The following KITLG variants were observed in gnomAD, a reference collection of about 807,000 sequenced individuals.
KITLG encodes c-Kit ligand.
A neutral mutation model predicts 34.1 loss-of-function variants in KITLG; 13 were observed. That is an observed-to-expected ratio of 0.38 (90% CI 0.25 to 0.61). The LOEUF (loss-of-function observed/expected upper bound fraction) is 0.61. Among genes scored for constraint, KITLG ranks in the 20% least tolerant of loss-of-function variants. The pLI is 0.60. For synonymous variants in KITLG, 110 were observed against 104.0 expected, an observed-to-expected ratio of 1.06 and a Z score of -0.35; for missense variants, 292 against 318.9, an observed-to-expected ratio of 0.92 and a Z score of 0.64.
At chr12:88,545,910 C>T (rs1592577642) in intron 1 of KITLG, 45 bp from the exon 2 acceptor site, 2 of 1,151,204 alleles carry the variant, frequency 1.7e-6, no homozygotes, top group East Asian at 4.7e-5. Flanking sequence ...CAGTTAAGAT[C>T]TGTAATCATT....
intron 2 of KITLG, among the ~76,000 whole-genome samples, chr12:88,533,024 C>G (rs1412808545): frequency 6.6e-6 from 1 of 152,044 alleles, no homozygotes. Flanking sequence ...AATTTGAGAA[C>G]TATTTTATGT....
At chr12:88,575,938 G>T (rs765000149) in intron 1 of KITLG, among the ~76,000 whole-genome samples, 1 of 152,050 alleles carries the variant, frequency 6.6e-6, no homozygotes, top group African/African-American at 2.4e-5. Context: ...GTCACTGCAC[G>T]TTGCCTGGTA....
chr12:88,506,501 T>A lies in KITLG; in HGVS notation c.715-123A>T. The A allele has an allele frequency of 4.0e-6, 3 of 747,264 alleles. No homozygotes were observed. In the Admixed American group the frequency reaches 5.8e-5, roughly 14 times the overall value. 46.3% of individuals were successfully genotyped at this position (747,264 alleles called of 1,614,324 possible). Reference sequence around the variant, plus strand: ...CTCCAATAACAGTTTTTTCAGCATGTAGCATGCAAAATATCTTTGTAATAA... The same window carrying A: ...CTCCAATAACAGTTTTTTCAGCATGAAGCATGCAAAATATCTTTGTAATAA... On this transcript the variant is annotated intron_variant, in intron 7 of 9. Coordinates refer to ENST00000644744, the MANE Select transcript of KITLG (RefSeq NM_000899.5).
At chr12:88,566,019 C>T (rs1290901116) in intron 1 of KITLG, among the ~76,000 whole-genome samples, 2 of 152,224 alleles carry the variant, frequency 1.3e-5, no homozygotes, top group African/African-American at 4.8e-5. Context: ...GTCATTCAGC[C>T]TATTGTGTCA....
chr12:88,516,321 T>TTAC lies in KITLG; in HGVS notation c.520+10_520+12dup. ...TTGTTTACATTTGAACTGGAAATGCTTACATGTCTTACCTTTCTCAGGACT... is the reference window on the plus strand; with the variant it reads ...TTGTTTACATTTGAACTGGAAATGCTTACTACATGTCTTACCTTTCTCAGGACT... On this transcript the variant is annotated intron_variant, in intron 5 of 9. Transcript: ENST00000644744. The TTAC allele has an allele frequency of 6.2e-7, 1 of 1,607,318 alleles. No individual in the cohort carries two copies. The highest frequency in any genetic ancestry group is 1.7e-4 in the Middle Eastern group (1 of 5,872).
In KITLG at chr12:88,580,420, G is replaced by C. The variant is rs1871979068; in HGVS notation, c.-142C>G. 1 of 972,654 alleles carries C rather than the reference G, an allele frequency of 1.0e-6. No individual in the cohort carries two copies. Among genetic ancestry groups the C allele is most frequent in the Non-Finnish European group, 1.6e-6 (1 of 625,522 alleles). The allele number at this position is 972,654 out of a possible 1,614,324, so 60.3% of individuals were successfully genotyped here. A position where few individuals can be genotyped will look rare whatever the true frequency, so the allele number is the denominator to read the frequency against. ...GCCCGAGCGCAGCGCCCTCTCCACT[G>C]TCCCTGCTTCCCGCAGCGCTTCTAG... On this transcript the variant is annotated 5_prime_UTR_variant, in exon 1 of 10. Coordinates refer to ENST00000644744, the MANE Select transcript of KITLG (RefSeq NM_000899.5).
At chr12:88,531,476 T>A (rs1349288710) in intron 3 of KITLG, among the ~76,000 whole-genome samples, 3 of 152,222 alleles carry the variant, frequency 2.0e-5, no homozygotes, top group Admixed American at 2.0e-4. Flanking sequence ...ATACAGATAT[T>A]ACATTATTCT....
chr12:88,511,351 A>G (rs191992661), intron 6 of KITLG, among the ~76,000 whole-genome samples: 4 of 152,330 alleles, frequency 2.6e-5, no homozygotes, highest in African/African-American at 9.6e-5. Flanking sequence ...CAGGGCATCC[A>G]CACTAAGTGA....
chr12:88,506,173 A>G (rs1869049347), intron 8 of KITLG, 138 bp downstream of exon 8: 2 of 695,696 alleles, frequency 2.9e-6, no homozygotes, highest in South Asian at 3.2e-5. Flanking sequence ...CATCAGAAAC[A>G]TGGATAGAGT....
At chr12:88,538,655 G>A (rs374436065) in intron 2 of KITLG, among the ~76,000 whole-genome samples, 1 of 152,014 alleles carries the variant, frequency 6.6e-6, no homozygotes, top group African/African-American at 2.4e-5. Context: ...AGAAAAGCAG[G>A]AACCAGGTCT....
chr12:88,505,302 C>T (rs41306948), intron 8 of KITLG, 67 bp from the exon 9 acceptor site: 84 of 1,298,672 alleles, frequency 6.5e-5, no homozygotes, highest in African/African-American at 2.5e-4. Flanking sequence ...ACCATGATCT[C>T]GGCATTGTAA....
At position 88,516,407 on chromosome 12, in the gene KITLG, A is replaced by T. The variant is rs1869457472; in HGVS notation, c.447T>A (p.Asp149Glu). 3 of 1,610,004 alleles carry T rather than the reference A, an allele frequency of 1.9e-6. No individual in the cohort carries two copies. The highest frequency in any genetic ancestry group is 1.1e-5 in the South Asian group (1 of 90,900). Residue 149 changes from aspartate (D) to glutamate (E), a missense_variant, in exon 5 of 10, where the codon GAT becomes GAA. Coordinates refer to ENST00000644744, the MANE Select transcript of KITLG (RefSeq NM_000899.5). ...EFFRIFNRSI[D>E]AFKDFVVASE... ...ATGCCACTACAAAGTCCTTGAAGGC[A>T]TCAATGGATCTATTAAAAATTCTAA...
intron 1 of KITLG, among the ~76,000 whole-genome samples, chr12:88,555,086 T>G (rs1566032670): frequency 6.6e-6 from 1 of 151,998 alleles, no homozygotes; most frequent in Non-Finnish European, 1.5e-5. Context: ...AAAAAAAAAC[T>G]AGAAAGAAGT....
intron 4 of KITLG, among the ~76,000 whole-genome samples, chr12:88,516,782 A>G (rs1869473044): frequency 6.7e-6 from 1 of 149,614 alleles, no homozygotes; most frequent in Non-Finnish European, 1.5e-5. Flanking sequence ...GATGCTCATT[A>G]AAAACATGAG....
chr12:88,518,313 G>A (rs1286258552), intron 4 of KITLG, among the ~76,000 whole-genome samples: 2 of 152,030 alleles, frequency 1.3e-5, no homozygotes, highest in African/African-American at 4.8e-5. Context: ...TGTGACCTAT[G>A]GGGTGATTAC....
At chr12:88,535,429 C>T (rs1870274715) in intron 2 of KITLG, among the ~76,000 whole-genome samples, 1 of 152,138 alleles carries the variant, frequency 6.6e-6, no homozygotes, top group Non-Finnish European at 1.5e-5. Flanking sequence ...TTATATTAAG[C>T]TTATTTTACA....
chr12:88,532,364 G>A, intron 3 of KITLG, 77 bp downstream of exon 3: 1 of 1,025,132 alleles, frequency 9.8e-7, no homozygotes. Flanking sequence ...ATAGCAGCTA[G>A]TGTACTATCT....
chr12:88,503,152 T>C (rs1592836204), intron 9 of KITLG, among the ~76,000 whole-genome samples: 1 of 152,178 alleles, frequency 6.6e-6, no homozygotes. Context: ...TGATTGAAGG[T>C]AAAAGTGACA....
intron 1 of KITLG, among the ~76,000 whole-genome samples, chr12:88,567,193 T>A (rs747877249): frequency 6.6e-6 from 1 of 152,212 alleles, no homozygotes; most frequent in Non-Finnish European, 1.5e-5. Flanking sequence ...TGCATTTTAA[T>A]ATTGGTTCAA....
Sources: gnomAD v4.1 joint callset for allele counts (sites outside exome capture counted in the v4.1 genomes callset) on GRCh38, gnomAD v4.1.1 for gene constraint, MANE v1.5 for transcripts, NCBI Gene and HGNC (gene_info 2026-07-23, HGNC 2026-07-21) for gene names.